The following MYO9A variants were observed in gnomAD, a reference collection of about 807,000 sequenced individuals.
The protein encoded by MYO9A is myosin IXA.
MYO9A carries 103 observed loss-of-function variants against 293.3 expected under a neutral mutation model. The ratio of observed to expected loss-of-function variants is 0.35; its 90% confidence interval spans 0.30 to 0.41. The LOEUF (loss-of-function observed/expected upper bound fraction) is 0.41, where lower values mean the gene tolerates loss of function less well. MYO9A is among the 10% of genes least tolerant of loss of function. The probability of loss-of-function intolerance (pLI) is 1.00; values close to 1 mark genes in which losing one functional copy is unlikely to be tolerated. For synonymous variants in MYO9A, 1,001 were observed against 1,035.7 expected (o/e 0.97, Z 0.64); for missense variants, 2,685 against 3,033.0 (o/e 0.89, Z 2.69).
At chr15:72,085,472 G>A (rs1022229895) in intron 1 of MYO9A, among the ~76,000 whole-genome samples, 2 of 151,720 alleles carry the variant, frequency 1.3e-5, no homozygotes, top group African/African-American at 4.8e-5. Context: ...AGCTCATTCG[G>A]GTTGGTTACA....
intron 11 of MYO9A, among the ~76,000 whole-genome samples, chr15:71,986,515 T>C (rs2148208938): frequency 6.6e-6 from 1 of 152,182 alleles, no homozygotes; most frequent in East Asian, 1.9e-4. Flanking sequence ...ACAACAGGGA[T>C]CCCTAATCTC....
chr15:71,949,290 C>T (rs554170297), intron 15 of MYO9A, among the ~76,000 whole-genome samples: 1 of 152,186 alleles, frequency 6.6e-6, no homozygotes, highest in Non-Finnish European at 1.5e-5. Context: ...GCAACCTCTG[C>T]CTCCCAGGTT....
intron 15 of MYO9A, 37 bp downstream of exon 15, chr15:71,951,740 A>G (rs371126120): frequency 1.6e-5 from 25 of 1,612,624 alleles, no homozygotes; most frequent in South Asian, 6.6e-5. Flanking sequence ...TTCCAAATGG[A>G]TATGTGATAA....
intron 15 of MYO9A, among the ~76,000 whole-genome samples, chr15:71,946,746 C>T (rs959991934): frequency 6.6e-6 from 1 of 152,220 alleles, no homozygotes; most frequent in African/African-American, 2.4e-5. Context: ...AGCTGGAGAA[C>T]ATTTCCACAT....
At chr15:71,984,532 A>G (rs1317578407) in intron 11 of MYO9A, among the ~76,000 whole-genome samples, 1 of 152,180 alleles carries the variant, frequency 6.6e-6, no homozygotes, top group African/African-American at 2.4e-5. Flanking sequence ...CACGGCTTCT[A>G]ACTTATTCTA....
intron 17 of MYO9A, chr15:71,935,105 T>C (rs1204876887): frequency 2.9e-5 from 12 of 407,462 alleles, no homozygotes; most frequent in Admixed American, 1.1e-4. Context: ...ATATACTCAG[T>C]CATGATTCTC....
At position 72,000,312 on chromosome 15, in the gene MYO9A, G is replaced by A. The variant is rs565949376; in HGVS notation, c.1381-372C>T. Among the ~76,000 whole-genome samples the A allele has an allele frequency of 2.0e-5, 3 of 152,246 alleles. No individual in the cohort carries two copies. The South Asian group carries it at 6.2e-4, about 32-fold the overall frequency. ...CTTGAATTCCAGAAATATTCCAAAG[G>A]ATATTTATTTATGTTTCAGATATTT... On this transcript the variant is annotated intron_variant, in intron 8 of 41. Coordinates refer to ENST00000356056, the MANE Select transcript of MYO9A (RefSeq NM_006901.4).
chr15:72,006,688 T>C (rs1357283332), intron 8 of MYO9A, among the ~76,000 whole-genome samples: 1 of 152,180 alleles, frequency 6.6e-6, no homozygotes, highest in African/African-American at 2.4e-5. Context: ...TATTAAAAAT[T>C]ATTTAAGAGA....
chr15:71,893,905 A>G (rs2057249556), intron 25 of MYO9A, 127 bp from the exon 26 acceptor site: 2 of 734,030 alleles, frequency 2.7e-6, no homozygotes, highest in South Asian at 3.7e-5. Flanking sequence ...CAATTAAGTC[A>G]TATTTTTTCT....
chr15:72,034,034 A>G (rs561488416), intron 2 of MYO9A, among the ~76,000 whole-genome samples: 2 of 152,324 alleles, frequency 1.3e-5, no homozygotes, highest in African/African-American at 4.8e-5. Flanking sequence ...GCTAAACTGT[A>G]ACTGTGCAGA....
chr15:72,004,026 C>T (rs918711694), intron 8 of MYO9A, among the ~76,000 whole-genome samples: 3 of 152,256 alleles, frequency 2.0e-5, no homozygotes, highest in African/African-American at 7.2e-5. Flanking sequence ...CATAGATCTA[C>T]GCATACCCAC....
intron 1 of MYO9A, among the ~76,000 whole-genome samples, chr15:72,106,947 G>T (rs1236735348): frequency 1.3e-5 from 2 of 152,168 alleles, no homozygotes; most frequent in Non-Finnish European, 2.9e-5. Flanking sequence ...GAAATGCAAA[G>T]AAATTTTGAG....
intron 32 of MYO9A, among the ~76,000 whole-genome samples, chr15:71,866,263 C>T (rs192050495): frequency 8.4e-4 from 128 of 152,272 alleles, no homozygotes; most frequent in African/African-American, 3.0e-3. Context: ...ATAAACTAGA[C>T]TCGAGTTTAT....
At chr15:71,852,029 A>G (rs746757563) in intron 36 of MYO9A, 103 bp downstream of exon 36, 102 of 1,277,360 alleles carry the variant, frequency 8.0e-5, no homozygotes, top group South Asian at 2.3e-4. Context: ...CTTTGAATCT[A>G]TAAGAATTAA....
At chr15:71,841,639 TTTTC>T (rs748118353) in intron 39 of MYO9A, among the ~76,000 whole-genome samples, 2 of 151,870 alleles carry the variant, frequency 1.3e-5, no homozygotes, top group South Asian at 2.1e-4. Flanking sequence ...TATTTTAAAT[TTTTC>T]TTTATTTTTT....
chr15:71,843,980 G>C (rs555332899), intron 39 of MYO9A, among the ~76,000 whole-genome samples: 1 of 152,156 alleles, frequency 6.6e-6, no homozygotes, highest in Admixed American at 6.5e-5. Flanking sequence ...CTTAGAGTTT[G>C]CTTCAAAACA....
At chr15:72,106,265 GC>G (rs34871160) in intron 1 of MYO9A, among the ~76,000 whole-genome samples, 104,175 of 151,894 alleles carry the variant, frequency 0.69, 36,609 homozygotes, top group Non-Finnish European at 0.76. Flanking sequence ...ACTGCTTGAG[GC>G]CAGGAGTTCA....
rs549553464 is a variant in MYO9A, at chr15:72,088,365, G to A, written c.-72+29315C>T. Among the ~76,000 whole-genome samples, 17 of 152,282 alleles carry A rather than the reference G, an allele frequency of 1.1e-4. No homozygotes were observed. The South Asian group carries it at 3.3e-3, about 30-fold the overall frequency. ...ATGCCCTCTGGGCCTACTGTCATAG[G>A]TCAATGCCTTCTGTGCCTACTTTGC... On this transcript the variant is annotated intron_variant, in intron 1 of 41. Coordinates refer to ENST00000356056, the MANE Select transcript of MYO9A (RefSeq NM_006901.4).
intron 2 of MYO9A, among the ~76,000 whole-genome samples, chr15:72,038,839 C>T (rs569298450): frequency 1.2e-4 from 18 of 152,328 alleles, no homozygotes; most frequent in African/African-American, 4.1e-4. Flanking sequence ...TTTGTTACAG[C>T]AACCTAATGT....
Sources: gnomAD v4.1 joint callset for allele counts (sites outside exome capture counted in the v4.1 genomes callset) on GRCh38, gnomAD v4.1.1 for gene constraint, MANE v1.5 for transcripts, NCBI Gene and HGNC (gene_info 2026-07-23, HGNC 2026-07-21) for gene names.